The following TBC1D1 variants were observed in gnomAD, a reference collection of about 807,000 sequenced individuals.
TBC1D1 encodes TBC1 domain family member 1.
Under a neutral mutation model 125.6 loss-of-function variants are expected in TBC1D1, and 89 were observed. The observed-to-expected ratio is 0.71, with a 90% confidence interval of 0.60 to 0.85. TBC1D1 has a LOEUF of 0.85. TBC1D1 is among the 40% of genes least tolerant of loss of function. The pLI, the probability that TBC1D1 is intolerant of heterozygous loss-of-function variation, is 0.00. For missense variants in TBC1D1, 1,377 were observed against 1,469.2 expected (o/e 0.94, Z 1.03); for synonymous variants, 565 against 564.1 (o/e 1.00, Z -0.02).
At chr4:37,912,910 G>C (rs1240546459) in intron 2 of TBC1D1, among the ~76,000 whole-genome samples, 1 of 152,200 alleles carries the variant, frequency 6.6e-6, no homozygotes, top group East Asian at 1.9e-4. Flanking sequence ...AACAGACGAA[G>C]ACAGTTACTA....
chr4:38,071,224 A>G (rs1439270706), intron 12 of TBC1D1, among the ~76,000 whole-genome samples: 1 of 152,074 alleles, frequency 6.6e-6, no homozygotes, highest in East Asian at 1.9e-4. Flanking sequence ...CTTGCCATCC[A>G]TGGTCACTTC....
At chr4:38,021,548 A>G in intron 5 of TBC1D1, 38 bp from the exon 6 acceptor site, 1 of 1,462,980 alleles carries the variant, frequency 6.8e-7, no homozygotes. Flanking sequence ...TTTCAAATTG[A>G]CTTTTTGGTG....
intron 2 of TBC1D1, among the ~76,000 whole-genome samples, chr4:37,908,033 TTAC>T (rs1469020084): frequency 2.0e-5 from 3 of 152,144 alleles, no homozygotes; most frequent in African/African-American, 7.2e-5. Flanking sequence ...GCTTCTGACA[TTAC>T]ATGGTGCTGT....
At chr4:38,092,491 G>A (rs932067282) in intron 13 of TBC1D1, among the ~76,000 whole-genome samples, 2 of 152,068 alleles carry the variant, frequency 1.3e-5, no homozygotes, top group African/African-American at 2.4e-5. Context: ...AGCACTTTGG[G>A]AGGCTGAGAC....
At chr4:37,986,576 G>T (rs1284565063) in intron 2 of TBC1D1, among the ~76,000 whole-genome samples, 1 of 152,140 alleles carries the variant, frequency 6.6e-6, no homozygotes, top group Non-Finnish European at 1.5e-5. Context: ...CTCCAGAGTA[G>T]CTGGGACTAC....
intron 4 of TBC1D1, among the ~76,000 whole-genome samples, chr4:38,018,665 AATAG>A (rs1743338571): frequency 2.0e-5 from 3 of 152,220 alleles, no homozygotes; most frequent in South Asian, 4.1e-4. Flanking sequence ...TAATGGACAA[AATAG>A]ATCTACTTTT....
At chr4:37,992,756 G>T (rs1736885900) in intron 2 of TBC1D1, among the ~76,000 whole-genome samples, 1 of 149,902 alleles carries the variant, frequency 6.7e-6, no homozygotes, top group South Asian at 2.1e-4. Context: ...GCCTCCCAAA[G>T]TGCTGGGATT....
chr4:38,064,106 T>G (rs1753257715), intron 12 of TBC1D1, among the ~76,000 whole-genome samples: 1 of 152,246 alleles, frequency 6.6e-6, no homozygotes, highest in Admixed American at 6.5e-5. Context: ...CTTTTGTGTC[T>G]GGCTTCTTTG....
chr4:38,098,447 G>A (rs528363495), intron 14 of TBC1D1, among the ~76,000 whole-genome samples: 70 of 152,268 alleles, frequency 4.6e-4, no homozygotes, highest in Non-Finnish European at 8.5e-4. Context: ...TTTTCACTGG[G>A]CATATTTTGT....
intron 7 of TBC1D1, among the ~76,000 whole-genome samples, chr4:38,034,474 G>A (rs188949792): frequency 3.0e-3 from 452 of 152,220 alleles, no homozygotes; most frequent in African/African-American, 0.01. Context: ...AATCTTTTTC[G>A]TTAAGAAAGG....
chr4:38,066,282 T>A (rs935782391), intron 12 of TBC1D1, among the ~76,000 whole-genome samples: 19 of 150,768 alleles, frequency 1.3e-4, no homozygotes, highest in African/African-American at 3.7e-4. Context: ...TTTTTTTTTT[T>A]AGCAAAATTA....
At chr4:38,052,204 T>C (rs73810093) in intron 11 of TBC1D1, 144 bp downstream of exon 12, 105,005 of 600,502 alleles carry the variant, frequency 0.17, 9,857 homozygotes, top group African/African-American at 0.31. Context: ...TGCGCGCGCG[T>C]GTGTGTCTTT....
At chr4:37,981,144 G>C (rs1344373686) in intron 2 of TBC1D1, among the ~76,000 whole-genome samples, 2 of 151,924 alleles carry the variant, frequency 1.3e-5, no homozygotes, top group African/African-American at 4.8e-5. Context: ...GGTTTCACCA[G>C]GTTGGCCAGG....
At chr4:37,963,753 A>T (rs1730514118) in intron 2 of TBC1D1, among the ~76,000 whole-genome samples, 1 of 152,232 alleles carries the variant, frequency 6.6e-6, no homozygotes, top group African/African-American at 2.4e-5. Flanking sequence ...TGCTATTTAA[A>T]TGTTTTAAAA....
intron 15 of TBC1D1, among the ~76,000 whole-genome samples, chr4:38,108,701 A>G (rs1761745816): frequency 6.6e-6 from 1 of 152,252 alleles, no homozygotes; most frequent in African/African-American, 2.4e-5. Context: ...CTTCTACTAA[A>G]TGTATAAAGC....
intron 2 of TBC1D1, among the ~76,000 whole-genome samples, chr4:37,921,159 T>G (rs1019187311): frequency 2.1e-5 from 3 of 144,934 alleles, no homozygotes; most frequent in Non-Finnish European, 3.0e-5. Context: ...GACAACAGTG[T>G]CAAGAGCAGT....
At chr4:37,891,762 T>C (rs1164200459) in intron 1 of TBC1D1, among the ~76,000 whole-genome samples, 1 of 149,744 alleles carries the variant, frequency 6.7e-6, no homozygotes, top group South Asian at 2.1e-4. Flanking sequence ...TACTTTGCAG[T>C]AGTAACTTTG....
rs1430042556 is a variant in TBC1D1 at position 38,049,682 on chromosome 4, C to G, written c.1694C>G (p.Ser565Cys). The G allele has an allele frequency of 6.2e-7, 1 of 1,614,032 alleles. No individual in the cohort carries two copies. The highest frequency in any genetic ancestry group is 8.5e-7 in the Non-Finnish European group (1 of 1,180,022). The change falls in exon 11 of 20, where the codon TCC becomes TGC. Residue 565 changes from serine (S) to cysteine (C), a missense_variant. Ser to Cys is a moderately radical substitution (Grantham distance 112, BLOSUM62 -1). Transcript: ENST00000261439. The stretch of plus-strand genomic sequence containing the variant: ...GAGAGCTCCTTTAAGCTCCTCGGCT[C>G]CTCGGAGGACCTGTCCAGTGACTCG...
At chr4:38,094,155 T>C (rs1260122624) in intron 13 of TBC1D1, among the ~76,000 whole-genome samples, 2 of 152,066 alleles carry the variant, frequency 1.3e-5, no homozygotes, top group African/African-American at 4.8e-5. Flanking sequence ...CTATTAGCTT[T>C]CCATTCTGAG....
Sources: gnomAD v4.1 joint callset for allele counts (sites outside exome capture counted in the v4.1 genomes callset) on GRCh38, gnomAD v4.1.1 for gene constraint, MANE v1.5 for transcripts, NCBI Gene and HGNC (gene_info 2026-07-23, HGNC 2026-07-21) for gene names.